Variants in HS6ST3 observed in about 807,000 individuals in gnomAD.
HS6ST3 encodes the protein heparan sulfate 6-O-sulfotransferase 3.
In HS6ST3, 12 loss-of-function variants were observed where a neutral mutation model predicts 36.7. The ratio of observed to expected loss-of-function variants is 0.33; its 90% CI spans 0.21 to 0.53. The LOEUF is 0.53. Among genes scored for constraint, HS6ST3 ranks in the 20% least tolerant of loss-of-function variants. The pLI is 0.95. For missense variants in HS6ST3, 584 were observed against 640.9 expected, an observed-to-expected ratio of 0.91 and a Z score of 0.96; for synonymous variants, 240 against 257.5, an observed-to-expected ratio of 0.93 and a Z score of 0.65.
intron 1 of HS6ST3, among the ~76,000 whole-genome samples, chr13:96,204,970 C>G (rs538498251): frequency 1.3e-5 from 2 of 152,026 alleles, no homozygotes; most frequent in Admixed American, 6.6e-5. Flanking sequence ...TAGCAAAAGA[C>G]AAGATATAAC....
At chr13:96,602,784 G>T (rs2056426261) in intron 1 of HS6ST3, among the ~76,000 whole-genome samples, 1 of 152,138 alleles carries the variant, frequency 6.6e-6, no homozygotes, top group African/African-American at 2.4e-5. Flanking sequence ...TGGGGGTTCT[G>T]CCTGTTGCTG....
At chr13:96,546,160 A>G (rs1459581979) in intron 1 of HS6ST3, among the ~76,000 whole-genome samples, 1 of 152,122 alleles carries the variant, frequency 6.6e-6, no homozygotes, top group East Asian at 1.9e-4. Context: ...TATAGATAGT[A>G]GGTCTCAAGC....
At chr13:96,638,257 T>C (rs771052778) in intron 1 of HS6ST3, among the ~76,000 whole-genome samples, 18 of 152,134 alleles carry the variant, frequency 1.2e-4, no homozygotes, top group African/African-American at 1.9e-4. Flanking sequence ...TGCTGTGAGA[T>C]AGAATTACAG....
Position 96,513,555 on chromosome 13 carries a change from G to C in HS6ST3, c.708-318935G>C, listed in dbSNP as rs141565637. Among the ~76,000 whole-genome samples, 146 of 151,964 alleles carry C rather than the reference G, an allele frequency of 9.6e-4. 1 individual carries two copies. The highest frequency in any genetic ancestry group is 3.5e-3 in the African/African-American group (145 of 41,434). On this transcript the variant is annotated intron_variant, in intron 1 of 1. Transcript: ENST00000376705. ...TATTTATCTTTCCCTTCCACTTCTT[G>C]GCTGAGCTCTGCCAGGTTACTTTTT...
At chr13:96,507,449 G>A (rs970894727) in intron 1 of HS6ST3, among the ~76,000 whole-genome samples, 1 of 152,080 alleles carries the variant, frequency 6.6e-6, no homozygotes, top group Non-Finnish European at 1.5e-5. Flanking sequence ...CTGATCTCTG[G>A]AAGAGGAGGT....
chr13:96,388,991 T>C (rs942105995), intron 1 of HS6ST3, among the ~76,000 whole-genome samples: 2 of 152,184 alleles, frequency 1.3e-5, no homozygotes, highest in African/African-American at 4.8e-5. Flanking sequence ...TACTTTTGGC[T>C]ACATCCTTAA....
At chr13:96,151,497 G>T (rs2054084957) in intron 1 of HS6ST3, among the ~76,000 whole-genome samples, 1 of 152,052 alleles carries the variant, frequency 6.6e-6, no homozygotes, top group South Asian at 2.1e-4. Flanking sequence ...AGTCTAGATG[G>T]ATATACGCAC....
intron 1 of HS6ST3, among the ~76,000 whole-genome samples, chr13:96,614,840 A>C (rs963767863): frequency 6.6e-6 from 1 of 152,178 alleles, no homozygotes; most frequent in Non-Finnish European, 1.5e-5. Context: ...AAAGCAACCA[A>C]ATTTCTACAA....
intron 1 of HS6ST3, among the ~76,000 whole-genome samples, chr13:96,209,872 C>T (rs2054390148): frequency 6.6e-6 from 1 of 152,150 alleles, no homozygotes; most frequent in Non-Finnish European, 1.5e-5. Context: ...ACCTCCTGTC[C>T]AGACTTGATG....
chr13:96,438,342 A>T (rs1164592), intron 1 of HS6ST3, among the ~76,000 whole-genome samples: 72,154 of 152,078 alleles, frequency 0.47, 17,817 homozygotes, highest in African/African-American at 0.61. Context: ...AGATTCTGAC[A>T]TAGTGTTTCA....
chr13:96,613,168 G>T (rs1191699159), intron 1 of HS6ST3, among the ~76,000 whole-genome samples: 1 of 151,976 alleles, frequency 6.6e-6, no homozygotes, highest in Admixed American at 6.6e-5. Context: ...TGTATAGGTT[G>T]GTCTCTTTCT....
chr13:96,701,387 C>T (rs1875280398), intron 1 of HS6ST3, among the ~76,000 whole-genome samples: 1 of 152,166 alleles, frequency 6.6e-6, no homozygotes, highest in South Asian at 2.1e-4. Flanking sequence ...TAGACAAATC[C>T]TAATTATGGT....
intron 1 of HS6ST3, among the ~76,000 whole-genome samples, chr13:96,670,019 C>T (rs527520658): frequency 6.6e-6 from 1 of 152,096 alleles, no homozygotes; most frequent in Non-Finnish European, 1.5e-5. Context: ...ATGAGATGAC[C>T]TAAGGAGTAA....
chr13:96,345,671 A>G (rs2055150627), intron 1 of HS6ST3, among the ~76,000 whole-genome samples: 1 of 152,050 alleles, frequency 6.6e-6, no homozygotes, highest in African/African-American at 2.4e-5. Context: ...CAACTTTTCC[A>G]CGGATTGGGT....
At chr13:96,623,785 A>G (rs2056503180) in intron 1 of HS6ST3, among the ~76,000 whole-genome samples, 1 of 152,106 alleles carries the variant, frequency 6.6e-6, no homozygotes, top group South Asian at 2.1e-4. Context: ...TGGAAATCCA[A>G]ATGGAAAGTG....
chr13:96,349,069 A>G (rs1002499815), intron 1 of HS6ST3, among the ~76,000 whole-genome samples: 8 of 152,224 alleles, frequency 5.3e-5, no homozygotes, highest in African/African-American at 1.9e-4. Flanking sequence ...GATACTTCCT[A>G]TAAAGAGGAA....
intron 1 of HS6ST3, among the ~76,000 whole-genome samples, chr13:96,374,991 C>T (rs1049094652): frequency 9.2e-5 from 14 of 152,080 alleles, no homozygotes; most frequent in Admixed American, 2.6e-4. Flanking sequence ...GAGGTTGGCT[C>T]CTGCACACCT....
At chr13:96,779,196 A>G (rs572446805) in intron 1 of HS6ST3, among the ~76,000 whole-genome samples, 167 of 152,098 alleles carry the variant, frequency 1.1e-3, no homozygotes, top group Middle Eastern at 3.4e-3. Flanking sequence ...GGAGGGATAG[A>G]ATTAGTAGAA....
chr13:96,427,264 A>C lies in HS6ST3; in HGVS notation c.707+335695A>C, dbSNP rs556832491. On this transcript the variant is annotated intron_variant, in intron 1 of 1. Transcript: ENST00000376705. The stretch of plus-strand genomic sequence containing the variant: ...CGGATGAATCACTGAAATATGTCTG[A>C]GCTTCTGTTTCATCAGATGTCACAT... The C allele has an allele frequency of 1.8e-4, 28 of 154,480 alleles. No homozygotes were observed. In the East Asian group the frequency reaches 4.1e-3, roughly 22 times the overall value. The allele number at this position is 154,480 out of a possible 1,614,324, so 9.6% of individuals were successfully genotyped here.
Sources: gnomAD v4.1 joint callset for allele counts (sites outside exome capture counted in the v4.1 genomes callset) on GRCh38, gnomAD v4.1.1 for gene constraint, MANE v1.5 for transcripts, NCBI Gene and HGNC (gene_info 2026-07-23, HGNC 2026-07-21) for gene names.